KLHL4: variants seen among roughly 807,000 people sequenced by gnomAD.
The protein encoded by KLHL4 is kelch like family member 4.
A neutral mutation model predicts 45.8 loss-of-function variants in KLHL4; 17 were observed. The ratio of observed to expected loss-of-function variants is 0.37; its 90% CI spans 0.25 to 0.56. The LOEUF (loss-of-function observed/expected upper bound fraction) is 0.56, where lower values mean the gene tolerates loss of function less well. KLHL4 is among the 20% of genes least tolerant of loss of function. KLHL4 has a pLI of 0.79. For synonymous variants in KLHL4, 224 were observed against 189.9 expected (o/e 1.18, Z -1.47); for missense variants, 544 against 544.9 (o/e 1.00, Z 0.02).
rs1293093805 is a variant in KLHL4, at chrX:87,541,491, AC to A, written c.422+23177del. Among the ~76,000 whole-genome samples, 142 of 29,418 alleles carry A rather than the reference AC, an allele frequency of 4.8e-3. 4 individuals carry two copies. The highest frequency in any genetic ancestry group is 0.019 in the African/African-American group (118 of 6,214). The allele number at this position is 29,418 out of a possible 115,157, so 25.5% of individuals were successfully genotyped here. On this transcript the variant is annotated intron_variant, in intron 1 of 10. Coordinates refer to ENST00000373119, the MANE Select transcript of KLHL4 (RefSeq NM_019117.5). ...GGGTGACAGAGAGAGACTCCATCTCACAAAAAAAAAAAAAAAAAAAAAAGGT... is the reference window on the plus strand; with the variant it reads ...GGGTGACAGAGAGAGACTCCATCTCAAAAAAAAAAAAAAAAAAAAAAAGGT...
chrX:87,610,610 A>G (rs762506043), intron 1 of KLHL4, among the ~76,000 whole-genome samples: 6 of 112,060 alleles, frequency 5.4e-5, no homozygotes, highest in Non-Finnish European at 1.1e-4. Context: ...ATTTAAATTT[A>G]CATATTAATA....
intron 1 of KLHL4, among the ~76,000 whole-genome samples, chrX:87,590,901 CTT>C (rs1921641750): frequency 8.9e-6 from 1 of 111,883 alleles, no homozygotes. Flanking sequence ...TTGATGAAGA[CTT>C]TGGTTGGTTC....
intron 1 of KLHL4, among the ~76,000 whole-genome samples, chrX:87,523,684 C>A (rs1377695483): frequency 9.0e-6 from 1 of 111,555 alleles, no homozygotes; most frequent in Admixed American, 9.6e-5. Context: ...ATGAGAAGGC[C>A]GGCCGTGGTG....
rs182362440 is a variant in KLHL4, at chrX:87,655,396, G to T, written c.1926-9368G>T. ...ATTTGGTGCATATATATTTAGGATT[G>T]TTACATCTTTTTGTTGAATTGATTT... On this transcript the variant is annotated intron_variant, in intron 9 of 10. Coordinates refer to ENST00000373119, the MANE Select transcript of KLHL4 (RefSeq NM_019117.5). Among the ~76,000 whole-genome samples the T allele has an allele frequency of 1.5e-3, 166 of 111,903 alleles. 2 individuals are homozygous for T. The highest frequency in any genetic ancestry group is 0.014 in the Admixed American group (149 of 10,522).
chrX:87,669,444 G>T lies in KLHL4; in HGVS notation c.*2910G>T. ...AATGACATTTATCAATCTGACTCAGGTGTGGCTGTTGCCCCTTTTTGATAT... is the reference window on the plus strand; with the variant it reads ...AATGACATTTATCAATCTGACTCAGTTGTGGCTGTTGCCCCTTTTTGATAT... On this transcript the variant is annotated 3_prime_UTR_variant, in exon 11 of 11. Coordinates refer to ENST00000373119, the MANE Select transcript of KLHL4 (RefSeq NM_019117.5). The T allele has an allele frequency of 8.4e-7, 1 of 1,194,630 alleles. No homozygotes were observed. Among genetic ancestry groups the T allele is most frequent in the Non-Finnish European group, 1.1e-6 (1 of 886,987 alleles).
intron 5 of KLHL4, 54 bp downstream of exon 5, chrX:87,622,477 A>G: frequency 1.3e-6 from 1 of 766,415 alleles, no homozygotes; most frequent in South Asian, 3.7e-5. Flanking sequence ...ACCACTAGGC[A>G]CTAATCCATT....
chrX:87,579,360 A>G (rs982358623), intron 1 of KLHL4, among the ~76,000 whole-genome samples: 3 of 111,900 alleles, frequency 2.7e-5, no homozygotes, highest in Non-Finnish European at 5.6e-5. Context: ...CAGAAATTAT[A>G]TAACACCATC....
At chrX:87,638,373 T>A (rs1314780464) in intron 9 of KLHL4, among the ~76,000 whole-genome samples, 1 of 111,481 alleles carries the variant, frequency 9.0e-6, no homozygotes, top group Non-Finnish European at 1.9e-5. Flanking sequence ...AAAAAAATCA[T>A]CGCCTAGGCA....
rs754719384 is a variant in KLHL4, at chrX:87,517,892, C to T, written c.-2C>T. 2 of 1,196,161 alleles carry T rather than the reference C, an allele frequency of 1.7e-6. No individual in the cohort carries two copies. Among genetic ancestry groups the T allele is most frequent in the Non-Finnish European group, 2.3e-6 (2 of 887,277 alleles). On this transcript the variant is annotated 5_prime_UTR_variant, in exon 1 of 11. In the 5' UTR this introduces an upstream ATG that the reference lacks. Coordinates refer to ENST00000373119, the MANE Select transcript of KLHL4 (RefSeq NM_019117.5). ...AAGGCTTTTGTCTTTCCTCCTGCTA[C>T]GATGTCAGTGTCTGGCAAGAAAGAG...
At chrX:87,656,959 T>C (rs1924011228) in intron 9 of KLHL4, among the ~76,000 whole-genome samples, 1 of 112,026 alleles carries the variant, frequency 8.9e-6, no homozygotes, top group Non-Finnish European at 1.9e-5. Flanking sequence ...AAAGACTCTG[T>C]ATGAATTTTT....
chrX:87,633,675 T>G (rs1403311990), intron 7 of KLHL4, 74 bp from the exon 8 acceptor site: 5 of 917,796 alleles, frequency 5.4e-6, no homozygotes, highest in Non-Finnish European at 7.4e-6. Context: ...AAGCAGTTAA[T>G]TGCTTGCAAA....
At chrX:87,635,478 C>A in intron 8 of KLHL4, 85 bp from the exon 9 acceptor site, 1 of 684,392 alleles carries the variant, frequency 1.5e-6, no homozygotes, top group Non-Finnish European at 2.2e-6. Flanking sequence ...GTACAAAGTT[C>A]TCTCACTCTC....
chrX:87,601,625 G>C (rs756966397), intron 1 of KLHL4, among the ~76,000 whole-genome samples: 1 of 111,320 alleles, frequency 9.0e-6, no homozygotes, highest in Non-Finnish European at 1.9e-5. Flanking sequence ...CCTTACCCTG[G>C]CACAGGCTGT....
At chrX:87,553,733 C>A (rs183267623) in intron 1 of KLHL4, among the ~76,000 whole-genome samples, 101 of 111,402 alleles carry the variant, frequency 9.1e-4, no homozygotes, top group African/African-American at 3.2e-3. Flanking sequence ...ATTGTAACTT[C>A]ATTGAAATAA....
intron 4 of KLHL4, among the ~76,000 whole-genome samples, chrX:87,621,504 A>C (rs1332050815): frequency 1.2e-5 from 1 of 85,407 alleles, no homozygotes; most frequent in Non-Finnish European, 2.3e-5. Flanking sequence ...ATTTTTTTTG[A>C]GAAGGAGCTT....
At chrX:87,624,213 G>A (rs1032067110) in intron 5 of KLHL4, among the ~76,000 whole-genome samples, 1 of 112,260 alleles carries the variant, frequency 8.9e-6, no homozygotes, top group Non-Finnish European at 1.9e-5. Context: ...CAACAGTACC[G>A]TGGTAGCCCA....
At chrX:87,631,384 C>G (rs895713833) in intron 6 of KLHL4, among the ~76,000 whole-genome samples, 4 of 111,711 alleles carry the variant, frequency 3.6e-5, no homozygotes, top group South Asian at 7.5e-4. Flanking sequence ...TGGGGGGCTG[C>G]TTTTGATTAG....
chrX:87,592,470 C>T (rs1921704257), intron 1 of KLHL4, among the ~76,000 whole-genome samples: 1 of 111,599 alleles, frequency 9.0e-6, no homozygotes, highest in Non-Finnish European at 1.9e-5. Flanking sequence ...AATTTACATT[C>T]CCACCAACAG....
rs1448742447 is a variant in KLHL4 at position 87,668,459 on chromosome X, C to A, written c.*1925C>A. ...CTCATAGAAGAGACATGTATGTTTC[C>A]CGGGGCTACCCCTTCATAGCTGCAT... On this transcript the variant is annotated 3_prime_UTR_variant, in exon 11 of 11. Transcript: ENST00000373119. 1.3e-6 allele frequency: 1 copy of A among 751,565 alleles called. No homozygotes were observed. The highest frequency in any genetic ancestry group is 2.3e-5 in the African/African-American group (1 of 43,206). 61.9% of individuals were successfully genotyped at this position (751,565 alleles called of 1,213,427 possible).
Sources: gnomAD v4.1 joint callset for allele counts (sites outside exome capture counted in the v4.1 genomes callset) on GRCh38, gnomAD v4.1.1 for gene constraint, MANE v1.5 for transcripts, NCBI Gene and HGNC (gene_info 2026-07-23, HGNC 2026-07-21) for gene names.